The following RABGAP1 variants were observed in gnomAD, a reference collection of about 807,000 sequenced individuals.
The protein encoded by RABGAP1 is RAB GTPase activating protein 1, also known as rab GTPase-activating protein 1.
In RABGAP1, 23 loss-of-function variants were observed where a neutral mutation model predicts 137.6. The observed-to-expected ratio is 0.17, with a 90% confidence interval of 0.12 to 0.24. The LOEUF is 0.24. Ranked by LOEUF, RABGAP1 falls within the 10% of genes least tolerant of loss-of-function variation. RABGAP1 has a pLI of 1.00. For synonymous variants in RABGAP1, 451 were observed against 450.7 expected (o/e 1.00, Z -0.01); for missense variants, 906 against 1,275.8 (o/e 0.71, Z 4.42).
intron 13 of RABGAP1, among the ~76,000 whole-genome samples, chr9:123,040,607 T>C (rs1333837564): frequency 6.6e-6 from 1 of 152,184 alleles, no homozygotes; most frequent in African/African-American, 2.4e-5. Flanking sequence ...TCTTTCTCTT[T>C]AAGGTGCTTT....
Position 122,989,277 on chromosome 9 carries a change from G to A in RABGAP1, c.591-20G>A. The A allele has an allele frequency of 6.3e-7, 1 of 1,596,082 alleles. No homozygotes were observed. Among genetic ancestry groups the A allele is most frequent in the African/African-American group, 1.3e-5 (1 of 74,566 alleles). ...TGTTCATAATTCCTGTAATCTCTCT[G>A]TATCTTTTTCTCTGAACAGACTCTT... is the stretch of plus-strand genomic sequence containing the variant. On this transcript the variant is annotated intron_variant, in intron 4 of 25. Coordinates refer to ENST00000373647, the MANE Select transcript of RABGAP1 (RefSeq NM_012197.4).
At chr9:123,058,546 T>G (rs1357978031) in intron 13 of RABGAP1, among the ~76,000 whole-genome samples, 2 of 11,422 alleles carry the variant, frequency 1.8e-4, no homozygotes, top group Non-Finnish European at 2.4e-3. Flanking sequence ...AAAAGTTAGA[T>G]TTTTTTTTTT....
At chr9:123,080,805 A>G (rs1380688913) in intron 19 of RABGAP1, among the ~76,000 whole-genome samples, 1 of 152,136 alleles carries the variant, frequency 6.6e-6, no homozygotes, top group Non-Finnish European at 1.5e-5. Flanking sequence ...ACTCACTGAA[A>G]TCTCTTTCCA....
At position 123,020,935 on chromosome 9, in the gene RABGAP1, C is replaced by T; in HGVS notation, c.1794+476C>T. ...AAAAATCTCATTTGTATGGTGTTCC[C>T]CTTCTGAAGTTCATGCATTCCTCAA... is the stretch of plus-strand genomic sequence containing the variant. On this transcript the variant is annotated intron_variant, in intron 13 of 25. Coordinates refer to ENST00000373647, the MANE Select transcript of RABGAP1 (RefSeq NM_012197.4). 3 of 905,168 alleles carry T rather than the reference C, an allele frequency of 3.3e-6. No homozygotes were observed. In the South Asian group the frequency reaches 1.5e-4, roughly 46 times the overall value. 56.1% of individuals were successfully genotyped at this position (905,168 alleles called of 1,614,324 possible). A position where few individuals can be genotyped will look rare whatever the true frequency, so the allele number is the denominator to read the frequency against.
chr9:123,098,886 C>A, intron 23 of RABGAP1, 88 bp downstream of exon 23: 1 of 669,696 alleles, frequency 1.5e-6, no homozygotes, highest in Admixed American at 2.8e-5. Context: ...CCCCCAAACC[C>A]AAATGCAAGC....
chr9:123,002,348 TA>T (rs1441370226), intron 10 of RABGAP1, among the ~76,000 whole-genome samples: 2 of 110,256 alleles, frequency 1.8e-5, no homozygotes, highest in Non-Finnish European at 3.6e-5. Context: ...GTTGTATATA[TA>T]TTTTTATTAT....
chr9:123,097,701 C>T (rs747086961), intron 21 of RABGAP1, 40 bp from the exon 22 acceptor site: 24 of 1,545,706 alleles, frequency 1.6e-5, no homozygotes, highest in Middle Eastern at 1.7e-4. Flanking sequence ...TTTGCAGTTC[C>T]CAATTCTTGT....
Position 123,010,386 on chromosome 9 carries a change from C to G in RABGAP1, c.1407C>G (p.Asp469Glu), listed in dbSNP as rs768563722. ...AAAGGGAGAGAAAGAATAATACTGA[C>G]ACTTTATATGAAGTTGTATGCTTGG... ...IKQRERKNNT[D>E]TLYEVVCLES... The change falls in exon 11 of 26, where the codon GAC becomes GAG. Residue 469 changes from aspartate (D) to glutamate (E), a missense_variant. Physicochemically the swap from Asp to Glu is conservative, Grantham distance 45. Coordinates refer to ENST00000373647, the MANE Select transcript of RABGAP1 (RefSeq NM_012197.4). 1.9e-6 allele frequency: 3 copies of G among 1,613,070 alleles called. No individual in the cohort carries two copies. The highest frequency in any genetic ancestry group is 2.5e-6 in the Non-Finnish European group (3 of 1,179,206).
chr9:123,030,456 T>G (rs534784669), intron 13 of RABGAP1, among the ~76,000 whole-genome samples: 6 of 152,238 alleles, frequency 3.9e-5, no homozygotes, highest in Non-Finnish European at 8.8e-5. Flanking sequence ...ATGTATTTCC[T>G]TTTAGTCATA....
At chr9:123,005,330 T>C (rs763098381) in intron 10 of RABGAP1, among the ~76,000 whole-genome samples, 1 of 151,752 alleles carries the variant, frequency 6.6e-6, no homozygotes, top group African/African-American at 2.4e-5. Flanking sequence ...AAAATACTTA[T>C]AAATGTCATA....
intron 10 of RABGAP1, among the ~76,000 whole-genome samples, chr9:123,005,805 G>A (rs992114520): frequency 6.6e-6 from 1 of 152,232 alleles, no homozygotes. Context: ...CACATAAGGT[G>A]AACGTACATA....
intron 17 of RABGAP1, among the ~76,000 whole-genome samples, chr9:123,075,023 T>C (rs1042498107): frequency 6.6e-5 from 10 of 152,090 alleles, no homozygotes; most frequent in African/African-American, 2.2e-4. Context: ...AAAGAGAAAA[T>C]AAGATATTAG....
At chr9:123,006,334 C>G (rs1261102195) in intron 10 of RABGAP1, among the ~76,000 whole-genome samples, 1 of 152,170 alleles carries the variant, frequency 6.6e-6, no homozygotes, top group East Asian at 1.9e-4. Context: ...TCATTTTACT[C>G]TTTTAGATTT....
At chr9:123,023,250 A>G (rs2031756053) in intron 13 of RABGAP1, among the ~76,000 whole-genome samples, 1 of 152,054 alleles carries the variant, frequency 6.6e-6, no homozygotes, top group South Asian at 2.1e-4. Context: ...GCATGATCTC[A>G]GCTCACTGCA....
chr9:123,096,103 A>G (rs753268585), intron 21 of RABGAP1, among the ~76,000 whole-genome samples: 53 of 152,218 alleles, frequency 3.5e-4, no homozygotes, highest in Middle Eastern at 3.2e-3. Flanking sequence ...TATGTAGAAC[A>G]ACTTGATTTT....
At chr9:122,979,684 T>C (rs1004165434) in intron 2 of RABGAP1, among the ~76,000 whole-genome samples, 2 of 152,252 alleles carry the variant, frequency 1.3e-5, no homozygotes, top group African/African-American at 4.8e-5. Context: ...AGATGTCAGA[T>C]TAATTGTTCC....
chr9:122,995,889 A>G (rs1836998020), intron 6 of RABGAP1, 152 bp from the exon 7 acceptor site: 1 of 1,344,116 alleles, frequency 7.4e-7, no homozygotes, highest in Non-Finnish European at 9.7e-7. Context: ...TTTTCACATC[A>G]AGAGGCATAG....
chr9:123,034,897 G>A (rs751441530), intron 13 of RABGAP1: 4 of 1,613,470 alleles, frequency 2.5e-6, no homozygotes, highest in Non-Finnish European at 3.4e-6. Context: ...TGTAGTATCA[G>A]TTCTGAAGAG....
chr9:123,012,709 C>T (rs2030910774), intron 11 of RABGAP1, among the ~76,000 whole-genome samples: 1 of 152,142 alleles, frequency 6.6e-6, no homozygotes, highest in Non-Finnish European at 1.5e-5. Flanking sequence ...TCATGTTGTT[C>T]CCTAGCGTAT....
Sources: gnomAD v4.1 joint callset for allele counts (sites outside exome capture counted in the v4.1 genomes callset) on GRCh38, gnomAD v4.1.1 for gene constraint, MANE v1.5 for transcripts, NCBI Gene and HGNC (gene_info 2026-07-23, HGNC 2026-07-21) for gene names.